The following SH3BGRL2 variants were observed in gnomAD, a reference collection of about 807,000 sequenced individuals.
SH3BGRL2 encodes the protein SH3 domain binding glutamate rich protein like 2.
Under a neutral mutation model 14.8 loss-of-function variants are expected in SH3BGRL2, and 21 were observed. That is an observed-to-expected ratio of 1.42 (90% CI 1.01 to 2.05). The LOEUF (loss-of-function observed/expected upper bound fraction) is 2.05, where lower values mean the gene tolerates loss of function less well. Ranked by LOEUF, SH3BGRL2 falls within the 30% of genes most tolerant of loss-of-function variation. SH3BGRL2 has a pLI of 0.00. For synonymous variants in SH3BGRL2, 50 were observed against 47.8 expected (o/e 1.05, Z -0.19); for missense variants, 147 against 130.8 (o/e 1.12, Z -0.61).
the SH3BGRL2 span, among the ~76,000 whole-genome samples, chr6:79,592,330 T>C: frequency 1.3e-5 from 2 of 152,174 alleles, no homozygotes; most frequent in African/African-American, 2.4e-5. Context: ...CTCACTAATA[T>C]AAGGATGAAC....
the SH3BGRL2 span, among the ~76,000 whole-genome samples, chr6:79,616,302 A>C: frequency 3.9e-5 from 6 of 152,130 alleles, no homozygotes; most frequent in Non-Finnish European, 8.8e-5. Context: ...ACAGGAACCC[A>C]TTTGCATTAT....
intron 2 of SH3BGRL2, among the ~76,000 whole-genome samples, chr6:79,690,346 C>G (rs1337070022): frequency 6.6e-6 from 1 of 152,124 alleles, no homozygotes; most frequent in Admixed American, 6.6e-5. Context: ...AAAACAAGAA[C>G]AGGGACAGCA....
intron 1 of SH3BGRL2, among the ~76,000 whole-genome samples, chr6:79,659,698 G>A (rs1367476648): frequency 6.6e-6 from 1 of 152,066 alleles, no homozygotes; most frequent in Non-Finnish European, 1.5e-5. Context: ...AGCTTGATGG[G>A]GATAGCTTTT....
At chr6:79,550,815 G>A in the SH3BGRL2 span, among the ~76,000 whole-genome samples, 3 of 152,036 alleles carry the variant, frequency 2.0e-5, no homozygotes, top group Non-Finnish European at 2.9e-5. Flanking sequence ...GTATTTCAGT[G>A]TCATGATCAT....
intron 1 of SH3BGRL2, among the ~76,000 whole-genome samples, chr6:79,637,667 G>C (rs1582712586): frequency 1.3e-5 from 2 of 151,444 alleles, no homozygotes; most frequent in Non-Finnish European, 2.9e-5. Flanking sequence ...ACTCCAGCCT[G>C]AGTGACAAGA....
the SH3BGRL2 span, among the ~76,000 whole-genome samples, chr6:79,569,180 G>C: frequency 5.9e-5 from 9 of 152,186 alleles, no homozygotes; most frequent in African/African-American, 2.2e-4. Context: ...GATAGTTCAA[G>C]GTCATAAGTC....
At chr6:79,587,719 CAA>C in the SH3BGRL2 span, among the ~76,000 whole-genome samples, 1 of 152,052 alleles carries the variant, frequency 6.6e-6, no homozygotes, top group Non-Finnish European at 1.5e-5. Flanking sequence ...GATAAATTAA[CAA>C]GAGAAAAGCA....
chr6:79,537,828 A>T, the SH3BGRL2 span, among the ~76,000 whole-genome samples: 1 of 152,162 alleles, frequency 6.6e-6, no homozygotes, highest in Non-Finnish European at 1.5e-5. Flanking sequence ...AATTACAAAC[A>T]AACTGCTAGT....
the SH3BGRL2 span, among the ~76,000 whole-genome samples, chr6:79,578,115 G>T: frequency 6.6e-6 from 1 of 152,238 alleles, no homozygotes; most frequent in Non-Finnish European, 1.5e-5. Context: ...CAAAGCAGCC[G>T]GGAAGCTCAA....
At chr6:79,645,567 C>T (rs905516336) in intron 1 of SH3BGRL2, among the ~76,000 whole-genome samples, 3 of 152,078 alleles carry the variant, frequency 2.0e-5, no homozygotes, top group Non-Finnish European at 4.4e-5. Context: ...TGTTACTGAG[C>T]TTGTATATTC....
chr6:79,692,964 C>T (rs138162486), intron 2 of SH3BGRL2, among the ~76,000 whole-genome samples: 56,753 of 151,990 alleles, frequency 0.37, 12,367 homozygotes, highest in South Asian at 0.55. Context: ...GCCATTTTCA[C>T]GATATTGATT....
chr6:79,692,550 G>A (rs1770243142), intron 2 of SH3BGRL2, among the ~76,000 whole-genome samples: 1 of 152,152 alleles, frequency 6.6e-6, no homozygotes, highest in Admixed American at 6.5e-5. Flanking sequence ...GTAAGGAAGG[G>A]ATCCAGTTTC....
At chr6:79,539,694 T>C in the SH3BGRL2 span, among the ~76,000 whole-genome samples, 1 of 152,242 alleles carries the variant, frequency 6.6e-6, no homozygotes, top group African/African-American at 2.4e-5. Flanking sequence ...TATTCTCATT[T>C]TCCTTTGGGG....
chr6:79,608,233 C>T, the SH3BGRL2 span, among the ~76,000 whole-genome samples: 20 of 152,260 alleles, frequency 1.3e-4, no homozygotes, highest in Admixed American at 7.8e-4. Context: ...TAACATGAGA[C>T]TTGCGTGGGG....
intron 1 of SH3BGRL2, among the ~76,000 whole-genome samples, chr6:79,656,179 G>A (rs957689557): frequency 1.3e-5 from 2 of 152,260 alleles, no homozygotes; most frequent in African/African-American, 2.4e-5. Flanking sequence ...GAGGAGACAT[G>A]AGGGTTTGGC....
chr6:79,568,572 C>CA, the SH3BGRL2 span, among the ~76,000 whole-genome samples: 2,846 of 151,664 alleles, frequency 0.019, 86 homozygotes, highest in African/African-American at 0.065. Flanking sequence ...ATAACTACAA[C>CA]AAAAAAAATT....
chr6:79,656,050 G>GT (rs953148591), intron 1 of SH3BGRL2, among the ~76,000 whole-genome samples: 2 of 152,318 alleles, frequency 1.3e-5, no homozygotes, highest in Admixed American at 6.5e-5. Context: ...GTACTGAAAG[G>GT]TTTTTAAAGC....
intron 2 of SH3BGRL2, 77 bp from the exon 3 acceptor site, chr6:79,696,408 G>T: frequency 1.8e-6 from 2 of 1,092,212 alleles, no homozygotes; most frequent in Non-Finnish European, 2.7e-6. Context: ...CTTCCATAAA[G>T]AATTTGTTCA....
chr6:79,697,506 G>A (rs1008847664), intron 3 of SH3BGRL2, among the ~76,000 whole-genome samples: 4 of 152,070 alleles, frequency 2.6e-5, no homozygotes, highest in Non-Finnish European at 4.4e-5. Context: ...TACCATCTCT[G>A]GCATACCTGT....
Sources: gnomAD v4.1 joint callset for allele counts (sites outside exome capture counted in the v4.1 genomes callset) on GRCh38, gnomAD v4.1.1 for gene constraint, MANE v1.5 for transcripts, NCBI Gene and HGNC (gene_info 2026-07-23, HGNC 2026-07-21) for gene names.